FAM227B: variants seen among roughly 807,000 people sequenced by gnomAD.
FAM227B encodes protein FAM227B.
In FAM227B, 88 loss-of-function variants were observed where a neutral mutation model predicts 73.8. That is an observed-to-expected ratio of 1.19 (90% CI 1.00 to 1.42). The LOEUF (loss-of-function observed/expected upper bound fraction) is 1.42. Among genes scored for constraint, FAM227B ranks in the 40% most tolerant of loss-of-function variants. The pLI is 0.00. For missense variants in FAM227B, 632 were observed against 590.9 expected (o/e 1.07, Z -0.72); for synonymous variants, 210 against 190.5 (o/e 1.10, Z -0.84).
At chr15:49,455,774 G>A (rs778527062) in intron 11 of FAM227B, among the ~76,000 whole-genome samples, 1 of 152,056 alleles carries the variant, frequency 6.6e-6, no homozygotes, top group East Asian at 1.9e-4. Context: ...CTTTGGGTAT[G>A]GTCAATAGAA....
In FAM227B at chr15:49,619,300, C is replaced by T. The variant is rs192527597; in HGVS notation, c.-73+1400G>A. 1.9e-3 allele frequency among the ~76,000 whole-genome samples: 285 copies of T among 152,310 alleles called. 1 individual carries two copies. The highest frequency in any genetic ancestry group is 0.01 in the Middle Eastern group (3 of 294). On this transcript the variant is annotated intron_variant, in intron 1 of 15. Coordinates refer to ENST00000299338, the MANE Select transcript of FAM227B (RefSeq NM_152647.3). ...GAGAAGAGGGATCTATGTCTCCTTT[C>T]CTAAAATGGAACAGGACTTTGACAC...
At chr15:49,583,322 A>T (rs2075935835) in intron 5 of FAM227B, among the ~76,000 whole-genome samples, 1 of 152,158 alleles carries the variant, frequency 6.6e-6, no homozygotes, top group Admixed American at 6.5e-5. Context: ...AAAAGTTTAC[A>T]GATCATAAAG....
intron 10 of FAM227B, among the ~76,000 whole-genome samples, chr15:49,517,731 T>G (rs1444518308): frequency 6.6e-6 from 1 of 152,178 alleles, no homozygotes; most frequent in Non-Finnish European, 1.5e-5. Flanking sequence ...CTCAATTAAT[T>G]TTTTACAAAT....
chr15:49,377,257 T>C (rs1252095800), intron 11 of FAM227B, among the ~76,000 whole-genome samples: 1 of 152,088 alleles, frequency 6.6e-6, no homozygotes, highest in Non-Finnish European at 1.5e-5. Flanking sequence ...TTTCTTATTC[T>C]TTCATCTATT....
chr15:49,378,486 TTC>T (rs1157910659), intron 11 of FAM227B, among the ~76,000 whole-genome samples: 56 of 123,098 alleles, frequency 4.5e-4, no homozygotes, highest in African/African-American at 1.6e-3. Context: ...TTCAATGTAT[TTC>T]ATCAGTGTTT....
chr15:49,407,571 T>C (rs1490368304), intron 11 of FAM227B, among the ~76,000 whole-genome samples: 4 of 151,180 alleles, frequency 2.6e-5, no homozygotes, highest in Non-Finnish European at 5.9e-5. Flanking sequence ...TTCAAATATA[T>C]ATTTAACTAG....
chr15:49,357,923 C>G (rs200224063), intron 13 of FAM227B, among the ~76,000 whole-genome samples: 24,250 of 151,598 alleles, frequency 0.16, 3,000 homozygotes, highest in African/African-American at 0.34. Context: ...GGATGCAAGG[C>G]TGGTTCAATA....
intron 3 of FAM227B, among the ~76,000 whole-genome samples, chr15:49,602,131 C>T (rs1000798009): frequency 6.6e-6 from 1 of 152,294 alleles, no homozygotes; most frequent in African/African-American, 2.4e-5. Context: ...CTTTGACATA[C>T]TGATTTTTTT....
At chr15:49,492,374 G>T (rs1189702833) in intron 11 of FAM227B, among the ~76,000 whole-genome samples, 2 of 151,896 alleles carry the variant, frequency 1.3e-5, no homozygotes, top group African/African-American at 4.8e-5. Context: ...AATGAATCAT[G>T]TAACATTTTT....
intron 13 of FAM227B, among the ~76,000 whole-genome samples, chr15:49,354,335 C>T (rs1019132160): frequency 1.7e-4 from 26 of 152,150 alleles, no homozygotes; most frequent in Non-Finnish European, 2.4e-4. Flanking sequence ...TCTGAGGTAC[C>T]GGGTTCATCT....
chr15:49,592,115 G>A (rs2076615583), intron 3 of FAM227B, among the ~76,000 whole-genome samples: 1 of 152,052 alleles, frequency 6.6e-6, no homozygotes, highest in South Asian at 2.1e-4. Flanking sequence ...GTTAGAACAT[G>A]TTCCTTTAGC....
At chr15:49,590,083 G>A (rs2076433964) in intron 3 of FAM227B, 76 bp from the exon 4 acceptor site, 1 of 776,520 alleles carries the variant, frequency 1.3e-6, no homozygotes, top group South Asian at 1.6e-5. Context: ...CAAAACCAAT[G>A]AGCTATAATC....
At chr15:49,606,449 A>G (rs947638760) in intron 3 of FAM227B, among the ~76,000 whole-genome samples, 23 of 152,186 alleles carry the variant, frequency 1.5e-4, no homozygotes, top group African/African-American at 5.3e-4. Context: ...CCTTTTATGT[A>G]ACCAATCTCT....
chr15:49,512,565 ATATTTATTTTTTTAAT>A (rs1489552946), intron 10 of FAM227B, among the ~76,000 whole-genome samples: 1 of 151,962 alleles, frequency 6.6e-6, no homozygotes, highest in East Asian at 1.9e-4. Flanking sequence ...GCCTATTCAA[ATATTTATTTTTTTAAT>A]TATTTATTTA....
intron 12 of FAM227B, 157 bp from the exon 13 acceptor site, chr15:49,367,765 A>G (rs1022883962): frequency 9.7e-5 from 64 of 656,944 alleles, no homozygotes; most frequent in Non-Finnish European, 1.4e-4. Context: ...GGAATTTACC[A>G]AAGTATGAGT....
chr15:49,561,659 A>C (rs1403864142), intron 9 of FAM227B, among the ~76,000 whole-genome samples: 2 of 152,168 alleles, frequency 1.3e-5, no homozygotes, highest in Non-Finnish European at 2.9e-5. Context: ...AAATACTACC[A>C]CAGTGGAATA....
intron 3 of FAM227B, among the ~76,000 whole-genome samples, chr15:49,605,543 C>A (rs2077462821): frequency 6.6e-6 from 1 of 151,954 alleles, no homozygotes; most frequent in African/African-American, 2.4e-5. Context: ...GGCCTCGAAT[C>A]TGTTTTGGGG....
intron 4 of FAM227B, among the ~76,000 whole-genome samples, chr15:49,588,472 G>C (rs1464497402): frequency 1.4e-5 from 2 of 145,712 alleles, no homozygotes; most frequent in Admixed American, 7.0e-5. Flanking sequence ...GGCACAGTGA[G>C]ACAATATGGG....
At chr15:49,484,010 T>C (rs1346530427) in intron 11 of FAM227B, among the ~76,000 whole-genome samples, 1 of 152,070 alleles carries the variant, frequency 6.6e-6, no homozygotes, top group Non-Finnish European at 1.5e-5. Context: ...TGAGGCCTGT[T>C]ACTTAGGGGG....
Sources: allele counts gnomAD v4.1 joint callset (sites outside exome capture counted in the v4.1 genomes callset), GRCh38; gene constraint gnomAD v4.1.1; transcripts MANE v1.5; gene names NCBI Gene and HGNC (gene_info 2026-07-23, HGNC 2026-07-21).